Variants in ABCC11 observed in about 807,000 individuals in gnomAD.
ABCC11 encodes the protein ATP binding cassette subfamily C member 11, also known as ATP-binding cassette sub-family C member 11.
ABCC11 carries 135 observed loss-of-function variants against 149.3 expected under a neutral mutation model. The ratio of observed to expected loss-of-function variants is 0.90; its 90% CI spans 0.79 to 1.04. The LOEUF (loss-of-function observed/expected upper bound fraction) is 1.04, where lower values mean the gene tolerates loss of function less well. Among genes scored for constraint, ABCC11 ranks in the 50% least tolerant of loss-of-function variants. The probability of loss-of-function intolerance (pLI) is 0.00; values close to 1 mark genes in which losing one functional copy is unlikely to be tolerated. For missense variants in ABCC11, 1,680 were observed against 1,722.1 expected, an observed-to-expected ratio of 0.98 and a Z score of 0.43; for synonymous variants, 665 against 671.4, an observed-to-expected ratio of 0.99 and a Z score of 0.15.
chr16:48,182,974 A>C (rs1310384848), intron 23 of ABCC11, among the ~76,000 whole-genome samples: 2 of 152,226 alleles, frequency 1.3e-5, no homozygotes, highest in Admixed American at 1.3e-4. Context: ...GTGAGACTTA[A>C]TGCTTGTAAA....
chr16:48,216,946 A>G (rs936384393), intron 6 of ABCC11, among the ~76,000 whole-genome samples: 9 of 152,278 alleles, frequency 5.9e-5, no homozygotes, highest in African/African-American at 2.2e-4. Flanking sequence ...CTCCCCTCTC[A>G]TTCCACCAAT....
intron 1 of ABCC11, among the ~76,000 whole-genome samples, chr16:48,243,625 T>C (rs893835658): frequency 6.6e-6 from 1 of 152,202 alleles, no homozygotes; most frequent in African/African-American, 2.4e-5. Context: ...CATTGAACTA[T>C]GATTATGTAA....
chr16:48,192,064 C>T (rs974436269), intron 20 of ABCC11, among the ~76,000 whole-genome samples: 1 of 152,094 alleles, frequency 6.6e-6, no homozygotes, highest in South Asian at 2.1e-4. Context: ...GGGAGGATTG[C>T]ATTAGCCCAG....
chr16:48,217,469 G>A (rs1484352849), intron 6 of ABCC11, among the ~76,000 whole-genome samples: 1 of 152,128 alleles, frequency 6.6e-6, no homozygotes, highest in Non-Finnish European at 1.5e-5. Context: ...GGGGGCACAT[G>A]CCTGTAGTCC....
At chr16:48,192,402 C>T in intron 20 of ABCC11, 118 bp downstream of exon 20, 2 of 1,120,884 alleles carry the variant, frequency 1.8e-6, no homozygotes, top group Non-Finnish European at 1.2e-6. Context: ...GGAGATTGTG[C>T]CACTGCACTC....
At chr16:48,207,308 GT>G (rs1488196530) in intron 12 of ABCC11, among the ~76,000 whole-genome samples, 1 of 152,122 alleles carries the variant, frequency 6.6e-6, no homozygotes, top group Non-Finnish European at 1.5e-5. Flanking sequence ...TGCTTTTAGT[GT>G]TCGTTATAAG....
At chr16:48,244,837 G>A (rs557498588) in intron 1 of ABCC11, among the ~76,000 whole-genome samples, 1 of 152,308 alleles carries the variant, frequency 6.6e-6, no homozygotes, top group African/African-American at 2.4e-5. Flanking sequence ...CCTGACACCT[G>A]GTGAAACTAC....
chr16:48,209,854 A>G (rs979340134), intron 11 of ABCC11: 1 of 152,188 alleles, frequency 6.6e-6, no homozygotes, highest in Admixed American at 6.5e-5. Flanking sequence ...ATATATATTA[A>G]TTATTTAAAA....
chr16:48,203,904 A>G (rs1968217129), intron 13 of ABCC11, among the ~76,000 whole-genome samples: 1 of 152,200 alleles, frequency 6.6e-6, no homozygotes, highest in South Asian at 2.1e-4. Context: ...TGTCTTACGT[A>G]TTTATTCAGA....
In ABCC11 at chr16:48,178,694, G is replaced by A. The variant is rs1464735985; in HGVS notation, c.3259-8C>T. 1.2e-6 allele frequency: 2 copies of A among 1,613,904 alleles called. No individual in the cohort carries two copies. The highest frequency in any genetic ancestry group is 1.3e-5 in the African/African-American group (1 of 74,932). ...CTGGAAGCTGGACGCCAGCTAGAAG[G>A]AAGGAGAAGTATCGGGGGTCAAGAG... On this transcript the variant is annotated splice_region_variant and splice_polypyrimidine_tract_variant and intron_variant, in intron 23 of 29. Coordinates refer to ENST00000356608, the MANE Select transcript of ABCC11 (RefSeq NM_001370497.1).
chr16:48,233,182 C>A (rs1245650331), intron 1 of ABCC11, among the ~76,000 whole-genome samples: 1 of 152,212 alleles, frequency 6.6e-6, no homozygotes, highest in East Asian at 1.9e-4. Context: ...GCCTGGGCAA[C>A]AGAGCAAGAC....
In ABCC11 at chr16:48,194,001, T is replaced by G; in HGVS notation, c.2405-19A>C. On this transcript the variant is annotated intron_variant, in intron 18 of 29. Transcript: ENST00000356608. The stretch of plus-strand genomic sequence containing the variant: ...ATGTAACCTGGGAGGGAGACAGTGG[T>G]GATGTACAAGTGCCACAAACAGGTG... 1 of 1,582,952 alleles carries G rather than the reference T, an allele frequency of 6.3e-7. No individual in the cohort carries two copies. Among genetic ancestry groups the G allele is most frequent in the Non-Finnish European group, 8.7e-7 (1 of 1,152,438 alleles).
chr16:48,211,288 G>C (rs908803332), intron 10 of ABCC11, 89 bp from the exon 11 acceptor site: 4 of 1,480,556 alleles, frequency 2.7e-6, no homozygotes, highest in Non-Finnish European at 3.6e-6. Flanking sequence ...TCTGCCAGTT[G>C]GTATGGTTTT....
intron 28 of ABCC11, among the ~76,000 whole-genome samples, chr16:48,167,895 G>T (rs1965440028): frequency 6.6e-6 from 1 of 152,148 alleles, no homozygotes; most frequent in Admixed American, 6.5e-5. Flanking sequence ...AGTGGCCAGA[G>T]AATTAAGTTC....
rs544722469 is a variant in ABCC11 at position 48,233,275 on chromosome 16, T to G, written c.-18-1336A>C. On this transcript the variant is annotated intron_variant, in intron 1 of 29. Coordinates refer to ENST00000356608, the MANE Select transcript of ABCC11 (RefSeq NM_001370497.1). Reference sequence around the variant, plus strand: ...AATAGACTGCAAGCTAACCCATTACTTTGTGAGAAGTTACTCTAGATTTCT... The same window carrying G: ...AATAGACTGCAAGCTAACCCATTACGTTGTGAGAAGTTACTCTAGATTTCT... Among the ~76,000 whole-genome samples, 6 of 152,358 alleles carry G rather than the reference T, an allele frequency of 3.9e-5. No homozygotes were observed. In the East Asian group the frequency reaches 1.2e-3, roughly 29 times the overall value.
At chr16:48,217,451 C>T (rs907628138) in intron 6 of ABCC11, among the ~76,000 whole-genome samples, 3 of 152,068 alleles carry the variant, frequency 2.0e-5, no homozygotes, top group Non-Finnish European at 4.4e-5. Flanking sequence ...GGAAAATTAG[C>T]CAGGCACGGG....
At chr16:48,212,200 C>T (rs1460201255) in intron 10 of ABCC11, among the ~76,000 whole-genome samples, 1 of 152,172 alleles carries the variant, frequency 6.6e-6, no homozygotes, top group Non-Finnish European at 1.5e-5. Flanking sequence ...CTCATTCCAG[C>T]CTCAGGGCTT....
chr16:48,236,177 T>C (rs910936000), intron 1 of ABCC11, among the ~76,000 whole-genome samples: 14 of 152,232 alleles, frequency 9.2e-5, no homozygotes, highest in Non-Finnish European at 1.5e-5. Context: ...GGGCATCTTG[T>C]TGCCTGAAGA....
At chr16:48,244,608 C>T in intron 1 of ABCC11, 2 of 1,477,944 alleles carry the variant, frequency 1.4e-6, no homozygotes, top group Non-Finnish European at 1.8e-6. Flanking sequence ...GCAGGACCTG[C>T]CGCCGCTGCA....
Sources: gnomAD v4.1 joint callset for allele counts (sites outside exome capture counted in the v4.1 genomes callset) on GRCh38, gnomAD v4.1.1 for gene constraint, MANE v1.5 for transcripts, NCBI Gene and HGNC (gene_info 2026-07-23, HGNC 2026-07-21) for gene names.